MTPN: variants seen among roughly 807,000 people sequenced by gnomAD.
MTPN encodes myotrophin.
MTPN carries 2 observed loss-of-function variants against 13.5 expected under a neutral mutation model. That is an observed-to-expected ratio of 0.15 (90% CI 0.06 to 0.47). MTPN has a LOEUF of 0.47. MTPN is among the 20% of genes least tolerant of loss of function. MTPN has a pLI of 0.97. For synonymous variants in MTPN, 46 were observed against 51.7 expected, an observed-to-expected ratio of 0.89 and a Z score of 0.48; for missense variants, 79 against 137.9, an observed-to-expected ratio of 0.57 and a Z score of 2.14.
rs150310645 is a variant in MTPN, at chr7:135,943,898, G to A, written c.270+6701C>T. Among the ~76,000 whole-genome samples, 12 of 152,288 alleles carry A rather than the reference G, an allele frequency of 7.9e-5. No individual in the cohort carries two copies. The East Asian group carries it at 2.3e-3, about 29-fold the overall frequency. On this transcript the variant is annotated intron_variant, in intron 3 of 3. Transcript: ENST00000393085. ...ATGATAGCTTATAATAACAAATTAAGTATGCTGTCAGATTATTTTTGTAAT... is the reference window on the plus strand; with the variant it reads ...ATGATAGCTTATAATAACAAATTAAATATGCTGTCAGATTATTTTTGTAAT...
chr7:135,938,950 ATAGT>A (rs945632372), intron 3 of MTPN, among the ~76,000 whole-genome samples: 13 of 152,126 alleles, frequency 8.5e-5, no homozygotes, highest in Non-Finnish European at 1.8e-4. Flanking sequence ...TCTATCCAAA[ATAGT>A]TATTTTTTAC....
intron 1 of MTPN, 33 bp from the exon 2 acceptor site, chr7:135,951,663 T>A: frequency 1.4e-6 from 2 of 1,461,966 alleles, no homozygotes; most frequent in Non-Finnish European, 1.9e-6. Flanking sequence ...ACAATATTTA[T>A]ATGAATGGAA....
intron 1 of MTPN, among the ~76,000 whole-genome samples, chr7:135,961,123 A>T (rs1055570366): frequency 1.3e-5 from 2 of 152,112 alleles, no homozygotes; most frequent in African/African-American, 4.8e-5. Flanking sequence ...AACTTAAGAA[A>T]TTTTCCCAGA....
intron 1 of MTPN, among the ~76,000 whole-genome samples, chr7:135,965,112 T>C (rs1472276205): frequency 6.6e-6 from 1 of 152,114 alleles, no homozygotes; most frequent in Non-Finnish European, 1.5e-5. Context: ...GTCTCCCAAC[T>C]CTTGCTATTA....
intron 3 of MTPN, among the ~76,000 whole-genome samples, chr7:135,944,948 T>A (rs1443379578): frequency 1.3e-5 from 2 of 152,140 alleles, no homozygotes; most frequent in African/African-American, 4.8e-5. Context: ...TACATAAACC[T>A]AGATGGTATG....
chr7:135,950,466 C>A, intron 3 of MTPN, 133 bp downstream of exon 3: 1 of 740,386 alleles, frequency 1.4e-6, no homozygotes, highest in South Asian at 1.8e-5. Context: ...TTGAGTAACA[C>A]TACACTTCAA....
chr7:135,970,837 CT>C (rs1432319676), intron 1 of MTPN, among the ~76,000 whole-genome samples: 1 of 152,022 alleles, frequency 6.6e-6, no homozygotes, highest in Non-Finnish European at 1.5e-5. Context: ...CTGAGGGCAC[CT>C]GTATCTTATA....
At position 135,927,194 on chromosome 7, in the gene MTPN, T is replaced by C. The variant is rs748900554; in HGVS notation, c.*2732A>G. ...AAAATCCAGTACTTGGGAAAAGATA[T>C]CAATGAATAAAAGGCCTACTTGTTT... is the stretch of plus-strand genomic sequence containing the variant. On this transcript the variant is annotated 3_prime_UTR_variant, in exon 4 of 4. Coordinates refer to ENST00000393085, the MANE Select transcript of MTPN (RefSeq NM_145808.4). 3 of 1,017,378 alleles carry C rather than the reference T, an allele frequency of 2.9e-6. No individual in the cohort carries two copies. Among genetic ancestry groups the C allele is most frequent in the East Asian group, 5.5e-5 (2 of 36,456 alleles). The allele number at this position is 1,017,378 out of a possible 1,614,324, so 63.0% of individuals were successfully genotyped here. A position where few individuals can be genotyped will look rare whatever the true frequency, so the allele number is the denominator to read the frequency against.
intron 3 of MTPN, among the ~76,000 whole-genome samples, chr7:135,941,828 A>G (rs2116358877): frequency 6.6e-6 from 1 of 152,156 alleles, no homozygotes; most frequent in Admixed American, 6.5e-5. Context: ...AGCACAAACG[A>G]GCCTTCAAAT....
chr7:135,928,661 T>C lies in MTPN; in HGVS notation c.*1265A>G, dbSNP rs957125263. The C allele has an allele frequency of 2.4e-5, 4 of 166,944 alleles. No individual in the cohort carries two copies. The highest frequency in any genetic ancestry group is 7.2e-5 in the African/African-American group (3 of 41,460). The allele number at this position is 166,944 out of a possible 1,614,324, so 10.3% of individuals were successfully genotyped here. A position where few individuals can be genotyped will look rare whatever the true frequency, so the allele number is the denominator to read the frequency against. The stretch of plus-strand genomic sequence containing the variant: ...AGCTGTACTGCTCATGAAATAAATA[T>C]TTGGAAATATGTGTAAATATTTTCT... On this transcript the variant is annotated 3_prime_UTR_variant, in exon 4 of 4. Coordinates refer to ENST00000393085, the MANE Select transcript of MTPN (RefSeq NM_145808.4).
intron 1 of MTPN, among the ~76,000 whole-genome samples, chr7:135,958,445 A>AT (rs1374242000): frequency 1.3e-5 from 2 of 152,134 alleles, no homozygotes; most frequent in Admixed American, 6.6e-5. Context: ...AAGTTATACA[A>AT]TCTCAGTGTT....
intron 1 of MTPN, among the ~76,000 whole-genome samples, chr7:135,962,620 G>A (rs1254072501): frequency 6.6e-6 from 1 of 151,682 alleles, no homozygotes. Flanking sequence ...TTCCTAACTG[G>A]TTTTAATATG....
At chr7:135,969,458 T>G (rs929329745) in intron 1 of MTPN, among the ~76,000 whole-genome samples, 4 of 150,730 alleles carry the variant, frequency 2.7e-5, no homozygotes, top group African/African-American at 9.8e-5. Context: ...TGTTATAATA[T>G]ATACCACTTA....
intron 1 of MTPN, among the ~76,000 whole-genome samples, chr7:135,969,095 G>C (rs539797173): frequency 9.7e-6 from 1 of 102,922 alleles, no homozygotes; most frequent in South Asian, 3.9e-4. Context: ...GGGTGGGGGG[G>C]GGGGAGGAGG....
intron 1 of MTPN, among the ~76,000 whole-genome samples, chr7:135,952,435 T>G (rs1352046784): frequency 6.6e-6 from 1 of 152,198 alleles, no homozygotes; most frequent in Non-Finnish European, 1.5e-5. Context: ...CATCTGGCAC[T>G]GTGATACACC....
At chr7:135,972,388 T>C (rs1584822874) in intron 1 of MTPN, among the ~76,000 whole-genome samples, 1 of 152,196 alleles carries the variant, frequency 6.6e-6, no homozygotes, top group East Asian at 1.9e-4. Flanking sequence ...TTACTTATAC[T>C]GAAACACTGT....
At chr7:135,930,340 G>C (rs116462516) in intron 3 of MTPN, among the ~76,000 whole-genome samples, 1,945 of 152,252 alleles carry the variant, frequency 0.013, 36 homozygotes, top group African/African-American at 0.044. Context: ...ATATCCCTAT[G>C]TGCAGTATGA....
At chr7:135,932,072 G>C (rs892441121) in intron 3 of MTPN, 1 of 151,972 alleles carries the variant, frequency 6.6e-6, no homozygotes, top group Non-Finnish European at 1.5e-5. Context: ...CCAAATACTA[G>C]ATCATATTCA....
rs1385881863 is a variant in MTPN, at chr7:135,928,004, T to C, written c.*1922A>G. 3.7e-6 allele frequency: 1 copy of C among 267,466 alleles called. No homozygotes were observed. The highest frequency in any genetic ancestry group is 7.8e-6 in the Non-Finnish European group (1 of 128,630). The allele number at this position is 267,466 out of a possible 1,614,324, so 16.6% of individuals were successfully genotyped here. A position where few individuals can be genotyped will look rare whatever the true frequency, so the allele number is the denominator to read the frequency against. On this transcript the variant is annotated 3_prime_UTR_variant, in exon 4 of 4. Coordinates refer to ENST00000393085, the MANE Select transcript of MTPN (RefSeq NM_145808.4). The stretch of plus-strand genomic sequence containing the variant: ...TTATGTCAAGAGGTGAAAACAAAGG[T>C]ATCAAAACACCCTGTTGCACTACGT...
Sources: gnomAD v4.1 joint callset for allele counts (sites outside exome capture counted in the v4.1 genomes callset) on GRCh38, gnomAD v4.1.1 for gene constraint, MANE v1.5 for transcripts, NCBI Gene and HGNC (gene_info 2026-07-23, HGNC 2026-07-21) for gene names.